The following DAB1 variants were observed in gnomAD, a reference collection of about 807,000 sequenced individuals.
The protein encoded by DAB1 is DAB adaptor protein 1, also known as disabled homolog 1.
In DAB1, 15 loss-of-function variants were observed where a neutral mutation model predicts 64.6. That is an observed-to-expected ratio of 0.23 (90% CI 0.16 to 0.36). DAB1 has a LOEUF of 0.36. Among genes scored for constraint, DAB1 ranks in the 10% least tolerant of loss-of-function variants. The pLI, the probability that DAB1 is intolerant of heterozygous loss-of-function variation, is 1.00. For synonymous variants in DAB1, 235 were observed against 251.9 expected, an observed-to-expected ratio of 0.93 and a Z score of 0.64; for missense variants, 596 against 706.7, an observed-to-expected ratio of 0.84 and a Z score of 1.78.
intron 7 of DAB1, among the ~76,000 whole-genome samples, chr1:57,557,470 G>GTATA (rs533338269): frequency 6.6e-6 from 1 of 150,944 alleles, no homozygotes; most frequent in Non-Finnish European, 1.5e-5. Context: ...ATGTGTGTGT[G>GTATA]TATATATATA....
chr1:57,816,737 A>G (rs1469017543), intron 6 of DAB1, among the ~76,000 whole-genome samples: 1 of 152,196 alleles, frequency 6.6e-6, no homozygotes, highest in East Asian at 1.9e-4. Flanking sequence ...ACTTCTTCTG[A>G]AAATGATCAA....
At chr1:57,668,875 T>C (rs1265592513) in intron 6 of DAB1, among the ~76,000 whole-genome samples, 5 of 152,156 alleles carry the variant, frequency 3.3e-5, no homozygotes, top group Admixed American at 1.3e-4. Flanking sequence ...TATAATCTTA[T>C]ATTTTATGTG....
intron 7 of DAB1, among the ~76,000 whole-genome samples, chr1:57,447,012 A>G (rs992141159): frequency 6.6e-6 from 1 of 152,216 alleles, no homozygotes; most frequent in Non-Finnish European, 1.5e-5. Context: ...TCACTGATCA[A>G]AAAACTTTCC....
chr1:57,985,046 T>TA (rs1319609924), intron 5 of DAB1, among the ~76,000 whole-genome samples: 1 of 152,116 alleles, frequency 6.6e-6, no homozygotes, highest in East Asian at 1.9e-4. Context: ...TAGCTGGGAT[T>TA]ACAGGCGCAC....
At chr1:57,696,090 C>A (rs1234205889) in intron 6 of DAB1, among the ~76,000 whole-genome samples, 1 of 152,126 alleles carries the variant, frequency 6.6e-6, no homozygotes, top group Non-Finnish European at 1.5e-5. Flanking sequence ...CCTCCTCTTC[C>A]TCCTTCTTCT....
At chr1:58,086,287 C>T (rs1650309292) in intron 5 of DAB1, among the ~76,000 whole-genome samples, 1 of 152,154 alleles carries the variant, frequency 6.6e-6, no homozygotes, top group African/African-American at 2.4e-5. Flanking sequence ...AACACCACCA[C>T]CCAGTATCAA....
chr1:58,262,580 TC>T (rs1454854432), intron 4 of DAB1, among the ~76,000 whole-genome samples: 2 of 151,968 alleles, frequency 1.3e-5, no homozygotes, highest in Non-Finnish European at 2.9e-5. Context: ...CGAGACTGCA[TC>T]TAAAAAAAAC....
chr1:57,599,604 T>C (rs1049253290), intron 7 of DAB1, among the ~76,000 whole-genome samples: 1 of 152,122 alleles, frequency 6.6e-6, no homozygotes, highest in African/African-American at 2.4e-5. Flanking sequence ...TAATCGTACT[T>C]ACTGACAGTT....
chr1:58,114,811 A>G (rs1001174591), intron 5 of DAB1, among the ~76,000 whole-genome samples: 1 of 152,178 alleles, frequency 6.6e-6, no homozygotes, highest in Admixed American at 6.5e-5. Context: ...CTGATATTCA[A>G]TCAGTGTGTA....
chr1:58,320,839 T>C (rs980054338), intron 4 of DAB1, among the ~76,000 whole-genome samples: 1 of 152,286 alleles, frequency 6.6e-6, no homozygotes, highest in African/African-American at 2.4e-5. Flanking sequence ...AGATCCCACA[T>C]CAGCTGATTT....
At chr1:57,557,891 C>A (rs1558491899) in intron 7 of DAB1, among the ~76,000 whole-genome samples, 1 of 152,170 alleles carries the variant, frequency 6.6e-6, no homozygotes, top group African/African-American at 2.4e-5. Context: ...TATCTCCCGG[C>A]TTCAGAAGCA....
chr1:58,124,252 C>T (rs1652925978), intron 5 of DAB1, among the ~76,000 whole-genome samples: 2 of 151,966 alleles, frequency 1.3e-5, no homozygotes, highest in African/African-American at 4.8e-5. Flanking sequence ...TTTACCCAGA[C>T]TCATAAACTC....
intron 14 of DAB1, among the ~76,000 whole-genome samples, chr1:57,010,382 AC>A (rs1449399334): frequency 6.6e-6 from 1 of 151,940 alleles, no homozygotes; most frequent in Non-Finnish European, 1.5e-5. Flanking sequence ...TCTCACCCCT[AC>A]CCCTACCTCC....
At chr1:58,241,284 A>G (rs1017944471) in intron 4 of DAB1, among the ~76,000 whole-genome samples, 2 of 151,732 alleles carry the variant, frequency 1.3e-5, no homozygotes, top group African/African-American at 4.9e-5. Flanking sequence ...CATATACACA[A>G]ATTATTTCTT....
At chr1:58,360,875 T>G (rs11580730) in intron 3 of DAB1, among the ~76,000 whole-genome samples, 45,990 of 152,022 alleles carry the variant, frequency 0.3, 6,952 homozygotes, top group Middle Eastern at 0.34. Context: ...ACTTTGAAAT[T>G]GTTTATTTTT....
intron 4 of DAB1, among the ~76,000 whole-genome samples, chr1:58,187,441 C>T (rs1657140179): frequency 6.6e-6 from 1 of 151,414 alleles, no homozygotes; most frequent in Non-Finnish European, 1.5e-5. Context: ...TGCTACTGCA[C>T]TCCAGCCTGG....
At chr1:57,241,457 C>A (rs514350) in intron 2 of DAB1, among the ~76,000 whole-genome samples, 96,536 of 152,024 alleles carry the variant, frequency 0.64, 30,977 homozygotes, top group East Asian at 0.84. Flanking sequence ...AACCAGGGCA[C>A]AAAATAGACC....
chr1:57,234,441 T>C (rs1016452218), intron 2 of DAB1, among the ~76,000 whole-genome samples: 3 of 152,196 alleles, frequency 2.0e-5, no homozygotes, highest in African/African-American at 4.8e-5. Flanking sequence ...AAAGATACTA[T>C]TTTTTAGGTG....
rs79151813 is a variant in DAB1 at position 58,237,068 on chromosome 1, G to A, written n.310-86480C>T. Among the ~76,000 whole-genome samples, 568 of 152,004 alleles carry A rather than the reference G, an allele frequency of 3.7e-3. 4 individuals carry two copies. The highest frequency in any genetic ancestry group is 0.026 in the East Asian group (133 of 5,178). On this transcript the variant is annotated intron_variant and non_coding_transcript_variant, in intron 4 of 20. Coordinates refer to the DAB1 transcript ENST00000485760. ...AATAAAAAATGCTTATGCTGTTCCCGTAGATGCCAGCTACTCCCATGTTTC... is the reference window on the plus strand; with the variant it reads ...AATAAAAAATGCTTATGCTGTTCCCATAGATGCCAGCTACTCCCATGTTTC...
Sources: allele counts gnomAD v4.1 joint callset (sites outside exome capture counted in the v4.1 genomes callset), GRCh38; gene constraint gnomAD v4.1.1; transcripts MANE v1.5; gene names NCBI Gene and HGNC (gene_info 2026-07-23, HGNC 2026-07-21).